The following CLYBL variants were observed in gnomAD, a reference collection of about 807,000 sequenced individuals.
CLYBL encodes the protein citramalyl-CoA lyase.
CLYBL carries 31 observed loss-of-function variants against 38.9 expected under a neutral mutation model. The observed-to-expected ratio is 0.80, with a 90% CI of 0.60 to 1.08. The LOEUF (loss-of-function observed/expected upper bound fraction) is 1.08. Ranked by LOEUF, CLYBL falls within the 50% of genes least tolerant of loss-of-function variation. The pLI is 0.00. For synonymous variants in CLYBL, 171 were observed against 158.6 expected (o/e 1.08, Z -0.59); for missense variants, 434 against 411.6 (o/e 1.05, Z -0.47).
chr13:99,700,944 C>A (rs988848870), intron 1 of CLYBL, among the ~76,000 whole-genome samples: 1 of 152,134 alleles, frequency 6.6e-6, no homozygotes, highest in East Asian at 1.9e-4. Context: ...GTCAAGATTT[C>A]TTCGTCGATG....
At chr13:99,871,589 A>G (rs1030082041) in intron 7 of CLYBL, among the ~76,000 whole-genome samples, 1 of 152,188 alleles carries the variant, frequency 6.6e-6, no homozygotes, top group Non-Finnish European at 1.5e-5. Context: ...TGGAAAGCAA[A>G]TTAACACTGG....
intron 2 of CLYBL, among the ~76,000 whole-genome samples, chr13:99,794,924 G>T (rs896083117): frequency 6.6e-6 from 1 of 152,098 alleles, no homozygotes; most frequent in Non-Finnish European, 1.5e-5. Flanking sequence ...AAATCAGTGG[G>T]TGTATTTTAA....
intron 1 of CLYBL, among the ~76,000 whole-genome samples, chr13:99,768,190 T>C (rs1393797201): frequency 9.1e-6 from 1 of 109,812 alleles, no homozygotes; most frequent in Non-Finnish European, 1.9e-5. Context: ...TCTTTTCTTT[T>C]TCTTTTTTTT....
intron 1 of CLYBL, among the ~76,000 whole-genome samples, chr13:99,754,416 C>CAAAAAAAAAAAAAAA (rs1172376194): frequency 2.9e-4 from 21 of 71,870 alleles, no homozygotes; most frequent in African/African-American, 1.1e-3. Context: ...GACCCTGTCT[C>CAAAAAAAAAAAAAAA]AAAAAAAAAA....
At chr13:99,888,475 C>T (rs776182272) in intron 7 of CLYBL, among the ~76,000 whole-genome samples, 3 of 152,054 alleles carry the variant, frequency 2.0e-5, no homozygotes, top group African/African-American at 7.2e-5. Flanking sequence ...TGAGGCCATG[C>T]GCAGTGGCTC....
intron 1 of CLYBL, among the ~76,000 whole-genome samples, chr13:99,729,338 TTTAGA>T (rs1196531874): frequency 6.6e-6 from 1 of 152,176 alleles, no homozygotes; most frequent in East Asian, 1.9e-4. Context: ...TCAGCAGCCC[TTTAGA>T]TTGGGCTCCT....
At chr13:99,762,017 G>GT in intron 1 of CLYBL, among the ~76,000 whole-genome samples, 1 of 152,096 alleles carries the variant, frequency 6.6e-6, no homozygotes, top group Non-Finnish European at 1.5e-5. Context: ...TGGATTTTTT[G>GT]TTTTTTGCTG....
At chr13:99,638,089 G>C (rs1226090181) in intron 1 of CLYBL, among the ~76,000 whole-genome samples, 1 of 148,838 alleles carries the variant, frequency 6.7e-6, no homozygotes, top group Non-Finnish European at 1.5e-5. Context: ...TTAGCCTCCT[G>C]AGTAGCTAAG....
intron 2 of CLYBL, among the ~76,000 whole-genome samples, chr13:99,822,627 A>G (rs1410084951): frequency 6.6e-6 from 1 of 152,218 alleles, no homozygotes; most frequent in Non-Finnish European, 1.5e-5. Flanking sequence ...CAAATGGTAC[A>G]TATTTTCAAT....
At chr13:99,613,605 G>T (rs539933935) in intron 1 of CLYBL, among the ~76,000 whole-genome samples, 106 of 152,288 alleles carry the variant, frequency 7.0e-4, no homozygotes, top group Admixed American at 2.4e-3. Context: ...GGAGAAGAGG[G>T]AGCGATGGGG....
chr13:99,766,876 T>G (rs10083230), intron 1 of CLYBL, among the ~76,000 whole-genome samples: 1 of 152,080 alleles, frequency 6.6e-6, no homozygotes, highest in Non-Finnish European at 1.5e-5. Context: ...CCTCCTATAG[T>G]GTGGTACTGC....
exon 9 of CLYBL, among the ~76,000 whole-genome samples, chr13:99,905,402 T>C (rs9585272): frequency 0.18 from 27,579 of 152,222 alleles, 3,357 homozygotes; most frequent in African/African-American, 0.35. Flanking sequence ...GTTACGTGCC[T>C]GTGGTGAGTG....
At chr13:99,886,117 C>T (rs1452245807) in intron 7 of CLYBL, among the ~76,000 whole-genome samples, 2 of 152,184 alleles carry the variant, frequency 1.3e-5, no homozygotes, top group Non-Finnish European at 2.9e-5. Flanking sequence ...AGCGTTAATT[C>T]TCACAGAGAA....
intron 1 of CLYBL, among the ~76,000 whole-genome samples, chr13:99,721,525 C>G (rs534622650): frequency 1.3e-5 from 2 of 151,504 alleles, no homozygotes; most frequent in Non-Finnish European, 2.9e-5. Flanking sequence ...ATGTGCACAA[C>G]GTGCAGGTTT....
chr13:99,832,849 G>T (rs1319509239), intron 2 of CLYBL, among the ~76,000 whole-genome samples: 1 of 146,682 alleles, frequency 6.8e-6, no homozygotes, highest in Non-Finnish European at 1.5e-5. Context: ...GGAAAAAAAA[G>T]AAAGAAAAGG....
chr13:99,653,484 C>G (rs768703713), intron 1 of CLYBL, among the ~76,000 whole-genome samples: 1 of 152,188 alleles, frequency 6.6e-6, no homozygotes, highest in Non-Finnish European at 1.5e-5. Context: ...CTGCCTCCCT[C>G]TACTCATCCA....
At chr13:99,858,835 A>G (rs1258717629) in intron 2 of CLYBL, 26 bp from the exon 3 acceptor site, 2 of 1,550,730 alleles carry the variant, frequency 1.3e-6, no homozygotes, top group South Asian at 2.4e-5. Context: ...AAAAATAAAC[A>G]ATAAACTTTT....
intron 1 of CLYBL, among the ~76,000 whole-genome samples, chr13:99,766,286 G>T (rs1207970077): frequency 6.6e-6 from 1 of 152,008 alleles, no homozygotes; most frequent in East Asian, 1.9e-4. Context: ...ACCTCTGCTT[G>T]ATCCATTCTT....
intron 1 of CLYBL, among the ~76,000 whole-genome samples, chr13:99,732,981 A>C (rs989403172): frequency 6.6e-6 from 1 of 152,248 alleles, no homozygotes; most frequent in African/African-American, 2.4e-5. Context: ...CTGTATGATT[A>C]AGGAAAGGGA....
Sources: allele counts gnomAD v4.1 joint callset (sites outside exome capture counted in the v4.1 genomes callset), GRCh38; gene constraint gnomAD v4.1.1; transcripts MANE v1.5; gene names NCBI Gene and HGNC (gene_info 2026-07-23, HGNC 2026-07-21).